POU2F2: variants seen among roughly 807,000 people sequenced by gnomAD.
POU2F2 encodes the protein POU domain, class 2, transcription factor 2.
POU2F2 carries 14 observed loss-of-function variants against 63.5 expected under a neutral mutation model. That is an observed-to-expected ratio of 0.22 (90% CI 0.15 to 0.34). POU2F2 has a LOEUF of 0.34. POU2F2 is among the 10% of genes least tolerant of loss of function. POU2F2 has a pLI of 1.00. For missense variants in POU2F2, 607 were observed against 815.2 expected (o/e 0.74, Z 3.11); for synonymous variants, 306 against 348.6 (o/e 0.88, Z 1.36).
intron 1 of POU2F2, among the ~76,000 whole-genome samples, chr19:42,193,565 C>T (rs1276923784): frequency 6.6e-6 from 1 of 152,196 alleles, no homozygotes; most frequent in Non-Finnish European, 1.5e-5. Context: ...GGAGGGAGTG[C>T]AGTCCTGCTG....
At chr19:42,108,670 T>A (rs544656831) in intron 5 of POU2F2, among the ~76,000 whole-genome samples, 1 of 152,198 alleles carries the variant, frequency 6.6e-6, no homozygotes, top group East Asian at 1.9e-4. Flanking sequence ...GGTAAGCCGG[T>A]AGGAGGCGCC....
chr19:42,176,766 C>T (rs908910314), upstream of POU2F2, among the ~76,000 whole-genome samples: 2 of 151,562 alleles, frequency 1.3e-5, no homozygotes, highest in African/African-American at 4.8e-5. Flanking sequence ...GGCAAAGCCC[C>T]GGCGCCGGGC....
intron 1 of POU2F2, among the ~76,000 whole-genome samples, chr19:42,187,634 C>A (rs559789665): frequency 6.6e-6 from 1 of 151,128 alleles, no homozygotes; most frequent in Non-Finnish European, 1.5e-5. Flanking sequence ...TGGTGGTGGG[C>A]GCCTGTAATC....
intron 1 of POU2F2, among the ~76,000 whole-genome samples, chr19:42,124,554 C>T (rs185652814): frequency 1.3e-5 from 2 of 152,318 alleles, no homozygotes; most frequent in South Asian, 2.1e-4. Context: ...AGATGCAGCA[C>T]GTCCACTCCT....
intron 7 of POU2F2, among the ~76,000 whole-genome samples, chr19:42,097,358 C>T (rs781587750): frequency 5.3e-5 from 8 of 152,056 alleles, no homozygotes; most frequent in Non-Finnish European, 8.8e-5. Flanking sequence ...CCACCACACC[C>T]GGCTAATTTT....
Position 42,162,032 on chromosome 19 carries a change from C to T in POU2F2, c.-69-1640G>A, listed in dbSNP as rs753702416. On this transcript the variant is annotated intron_variant, in intron 1 of 6. Coordinates refer to the POU2F2 transcript ENST00000524801. The surrounding 1 kb of genome is among the most constrained non-coding windows in gnomAD (Gnocchi z 4.1). ...CTGAGTGTTGAACACGGTGGCGACA[C>T]GGCATTAACCGTCAATATTGGTGTA... Among the ~76,000 whole-genome samples, 2 of 149,984 alleles carry T rather than the reference C, an allele frequency of 1.3e-5. No homozygotes were observed. Among genetic ancestry groups the T allele is most frequent in the Non-Finnish European group, 3.0e-5 (2 of 67,148 alleles).
At chr19:42,145,359 C>G (rs566316116) in intron 2 of POU2F2, among the ~76,000 whole-genome samples, 1 of 152,326 alleles carries the variant, frequency 6.6e-6, no homozygotes, top group East Asian at 1.9e-4. Context: ...AACCACTCAG[C>G]CTCTCTGTGC....
chr19:42,110,407 T>C (rs1274670785), intron 5 of POU2F2: 1 of 157,144 alleles, frequency 6.4e-6, no homozygotes, highest in Non-Finnish European at 1.4e-5. Context: ...GTGCCTGCCA[T>C]GGAAGCCACC....
upstream of POU2F2, among the ~76,000 whole-genome samples, chr19:42,197,159 A>G (rs1352202535): frequency 6.6e-6 from 1 of 152,228 alleles, no homozygotes; most frequent in Non-Finnish European, 1.5e-5. Context: ...GGTCAGGGCA[A>G]GGGAGTGGAA....
intron 1 of POU2F2, among the ~76,000 whole-genome samples, chr19:42,128,668 C>T (rs2146691022): frequency 6.6e-6 from 1 of 152,242 alleles, no homozygotes; most frequent in South Asian, 2.1e-4. Flanking sequence ...TTGGAGGGTC[C>T]ATCAAATGGC....
chr19:42,187,351 G>A (rs2146822005), intron 1 of POU2F2, among the ~76,000 whole-genome samples: 1 of 150,688 alleles, frequency 6.6e-6, no homozygotes, highest in South Asian at 2.1e-4. Context: ...TGTAATCCCA[G>A]TTACTCAGGA....
In POU2F2 at chr19:42,095,973, C is replaced by T; in HGVS notation, c.730-44G>A. 6.2e-7 allele frequency: 1 copy of T among 1,605,050 alleles called. No homozygotes were observed. On this transcript the variant is annotated intron_variant, in intron 8 of 14. Transcript: ENST00000692977. The surrounding 1 kb of genome is among the most constrained non-coding windows in gnomAD (Gnocchi z 7.1). ...GAAGGGCCCGAAGTCAGGGTGGGGC[C>T]TTCCGGCACTGGGCCCGCTCCGCCC...
chr19:42,134,264 G>A (rs182170266), upstream of POU2F2, among the ~76,000 whole-genome samples: 1 of 152,222 alleles, frequency 6.6e-6, no homozygotes, highest in Admixed American at 6.5e-5. Flanking sequence ...ACCCTGGACA[G>A]ACTCAACATC....
chr19:42,103,443 A>C (rs942499511), intron 5 of POU2F2, among the ~76,000 whole-genome samples: 2 of 152,098 alleles, frequency 1.3e-5, no homozygotes, highest in African/African-American at 2.4e-5. Flanking sequence ...TTACTTGGCA[A>C]ATTTTATGTA....
intron 1 of POU2F2, among the ~76,000 whole-genome samples, chr19:42,167,369 G>T (rs1013015471): frequency 6.6e-6 from 1 of 151,840 alleles, no homozygotes; most frequent in Non-Finnish European, 1.5e-5. Context: ...CACAAGAATC[G>T]CTTGAACCTC....
At chr19:42,175,049 G>A (rs533594491) in intron 1 of POU2F2, among the ~76,000 whole-genome samples, 83 of 152,054 alleles carry the variant, frequency 5.5e-4, no homozygotes, top group Admixed American at 1.4e-3. Flanking sequence ...ATTTCCTCCC[G>A]TTTTCACTTC....
At chr19:42,132,784 A>G (rs908674030), upstream of POU2F2, 1 of 259,424 alleles carries the variant, frequency 3.9e-6, no homozygotes, top group East Asian at 7.0e-5. Flanking sequence ...CAGTAACAAC[A>G]ATAAAACACT....
At chr19:42,194,901 G>A (rs62119628) in intron 1 of POU2F2, among the ~76,000 whole-genome samples, 1 of 121,142 alleles carries the variant, frequency 8.3e-6, no homozygotes, top group Non-Finnish European at 1.7e-5. Flanking sequence ...GAAAGGGAGG[G>A]AGGGAAGGAG....
intron 4 of POU2F2, among the ~76,000 whole-genome samples, chr19:42,118,217 A>C (rs912395255): frequency 3.3e-5 from 5 of 152,232 alleles, no homozygotes; most frequent in Admixed American, 2.6e-4. Flanking sequence ...AAGCCACTGC[A>C]CCTAGCCAGG....
Sources: gnomAD v4.1 joint callset for allele counts (sites outside exome capture counted in the v4.1 genomes callset) on GRCh38, gnomAD v4.1.1 for gene constraint, Gnocchi (gnomAD v3.1) non-coding constraint, MANE v1.5 for transcripts, NCBI Gene and HGNC (gene_info 2026-07-23, HGNC 2026-07-21) for gene names.